Variants in SPATA6L observed in about 807,000 individuals in gnomAD.
SPATA6L encodes the protein spermatogenesis associated 6 like.
SPATA6L carries 68 observed loss-of-function variants against 49.2 expected under a neutral mutation model. The observed-to-expected ratio is 1.38, with a 90% CI of 1.14 to 1.69. The LOEUF is 1.69. SPATA6L is among the 40% of genes most tolerant of loss of function. The pLI is 0.00. For synonymous variants in SPATA6L, 198 were observed against 165.7 expected (o/e 1.19, Z -1.50); for missense variants, 668 against 464.3 (o/e 1.44, Z -4.03).
In SPATA6L at chr9:4,666,291, T is replaced by C. The variant is rs781446853; in HGVS notation, c.-41A>G. The C allele has an allele frequency of 6.2e-7, 1 of 1,612,742 alleles. No homozygotes were observed. ...CGAAAGGACTGGAATGAGAAGATCC[T>C]TTTGTGCCGAGCCTTGGACCAATTT... On this transcript the variant is annotated 5_prime_UTR_variant, in exon 1 of 12. Coordinates refer to ENST00000682582, the MANE Select transcript of SPATA6L (RefSeq NM_001353486.2).
chr9:4,629,137 CT>C lies in SPATA6L; in HGVS notation c.382del (p.Arg128GlyfsTer36). ...AAACACACATTCTCTGATGGCTGTC[CT>C]TGTAGAAAACTCTATTTTGGGAGCA... ...GIAPKIEFST[R>X]TAIRECVFLH... is the part of the protein sequence containing the mutation. On this transcript the variant is annotated frameshift_variant, in exon 5 of 12. Transcript: ENST00000682582. LOFTEE classifies it high-confidence loss of function. The C allele has an allele frequency of 1.2e-6, 2 of 1,611,342 alleles. No homozygotes were observed. Among genetic ancestry groups the C allele is most frequent in the Non-Finnish European group, 1.7e-6 (2 of 1,179,156 alleles).
intron 3 of SPATA6L, 58 bp downstream of exon 3, chr9:4,655,983 T>A: frequency 7.6e-7 from 1 of 1,317,318 alleles, no homozygotes; most frequent in Non-Finnish European, 1.1e-6. Context: ...GAGTTTTGAA[T>A]CTGTGAATTA....
At chr9:4,663,017 T>C (rs759442679) in intron 1 of SPATA6L, 2 of 1,613,652 alleles carry the variant, frequency 1.2e-6, no homozygotes, top group African/African-American at 2.7e-5. Context: ...CCTCGGGCCA[T>C]GCCACAAGGG....
intron 9 of SPATA6L, 48 bp from the exon 10 acceptor site, chr9:4,605,488 G>C (rs746428044): frequency 4.4e-6 from 6 of 1,362,106 alleles, no homozygotes; most frequent in Non-Finnish European, 6.3e-6. Context: ...CTACTAAAAA[G>C]GACACTTAAA....
In SPATA6L at chr9:4,600,000, A is replaced by G. The variant is rs10758635; in HGVS notation, c.*811T>C. 6.6e-6 allele frequency among the ~76,000 whole-genome samples: 1 copy of G among 152,014 alleles called. No individual in the cohort carries two copies. Among genetic ancestry groups the G allele is most frequent in the African/African-American group, 2.4e-5 (1 of 41,382 alleles). On this transcript the variant is annotated 3_prime_UTR_variant, in exon 12 of 12. Coordinates refer to ENST00000682582, the MANE Select transcript of SPATA6L (RefSeq NM_001353486.2). ...CCCCTTCCTATTCCTGCTCCCTCAC[A>G]CTGTGTAAGCATTTCATAGATGCAC...
intron 2 of SPATA6L, among the ~76,000 whole-genome samples, chr9:4,657,831 A>G (rs1281942038): frequency 6.6e-6 from 1 of 152,218 alleles, no homozygotes; most frequent in Admixed American, 6.5e-5. Flanking sequence ...ATCTCTAGTT[A>G]GAGGTTCATT....
chr9:4,604,377 C>T, intron 10 of SPATA6L, 108 bp from the exon 11 acceptor site: 2 of 668,360 alleles, frequency 3.0e-6, no homozygotes, highest in Non-Finnish European at 5.3e-6. Flanking sequence ...CCCATTTATG[C>T]CGTTATATGG....
chr9:4,600,879 G>A (rs1344295137), intron 11 of SPATA6L, 70 bp from the exon 12 acceptor site: 1 of 152,132 alleles, frequency 6.6e-6, no homozygotes, highest in East Asian at 1.9e-4. Flanking sequence ...TACAAGTAAG[G>A]AGAAAAAGAT....
intron 2 of SPATA6L, among the ~76,000 whole-genome samples, chr9:4,656,762 C>T (rs543268480): frequency 2.0e-5 from 3 of 152,320 alleles, no homozygotes; most frequent in South Asian, 4.1e-4. Context: ...CATCTTAAAT[C>T]AACCCCAGAG....
intron 3 of SPATA6L, among the ~76,000 whole-genome samples, chr9:4,648,415 C>T (rs1056250486): frequency 1.3e-5 from 2 of 152,022 alleles, no homozygotes; most frequent in Non-Finnish European, 2.9e-5. Flanking sequence ...ATTATAAGTT[C>T]TTGGCTGGGC....
chr9:4,636,942 C>T (rs1306251609), intron 3 of SPATA6L, among the ~76,000 whole-genome samples: 1 of 152,138 alleles, frequency 6.6e-6, no homozygotes, highest in African/African-American at 2.4e-5. Flanking sequence ...AGTTGATCTC[C>T]CTGCCTCCAT....
intron 2 of SPATA6L, among the ~76,000 whole-genome samples, chr9:4,659,997 A>T (rs1029655711): frequency 6.6e-6 from 1 of 152,240 alleles, no homozygotes; most frequent in Admixed American, 6.5e-5. Context: ...CTGAAACTGG[A>T]TCCTTTCCTT....
In SPATA6L at chr9:4,606,731, G is replaced by C. The variant is rs1034044367; in HGVS notation, c.996-1291C>G. Among the ~76,000 whole-genome samples the C allele has an allele frequency of 4.2e-3, 618 of 145,526 alleles. 10 individuals are homozygous for C. The highest frequency in any genetic ancestry group is 0.015 in the African/African-American group (582 of 38,242). ...GAAAAACTGGAAACTCTAAAAAGCA[G>C]AGCGCCTCTCCTCCTCCAAAGGAAT... is the stretch of plus-strand genomic sequence containing the variant. On this transcript the variant is annotated intron_variant, in intron 9 of 11. Transcript: ENST00000682582.
intron 4 of SPATA6L, among the ~76,000 whole-genome samples, chr9:4,635,023 G>A (rs2080101608): frequency 6.6e-6 from 1 of 152,152 alleles, no homozygotes; most frequent in Non-Finnish European, 1.5e-5. Flanking sequence ...GCAACAAAAG[G>A]AGGCTTTTAT....
intron 3 of SPATA6L, among the ~76,000 whole-genome samples, chr9:4,638,444 C>T (rs73393852): frequency 0.014 from 2,149 of 152,274 alleles, 53 homozygotes; most frequent in African/African-American, 0.05. Flanking sequence ...AACTCCTGAC[C>T]TCAGGTGGTC....
Position 4,600,126 on chromosome 9 carries a change from T to C in SPATA6L, c.*685A>G, listed in dbSNP as rs973580235. The stretch of plus-strand genomic sequence containing the variant: ...GGAGAAATATTTGAGGAAGGTTTTG[T>C]TCCTCATCTAAATTTACAAAGAATT... On this transcript the variant is annotated 3_prime_UTR_variant, in exon 12 of 12. Coordinates refer to ENST00000682582, the MANE Select transcript of SPATA6L (RefSeq NM_001353486.2). Among the ~76,000 whole-genome samples, 5 of 152,208 alleles carry C rather than the reference T, an allele frequency of 3.3e-5. No individual in the cohort carries two copies. Among genetic ancestry groups the C allele is most frequent in the Admixed American group, 1.3e-4 (2 of 15,284 alleles).
intron 9 of SPATA6L, among the ~76,000 whole-genome samples, chr9:4,611,438 C>T (rs986994439): frequency 4.0e-5 from 6 of 149,314 alleles, no homozygotes; most frequent in African/African-American, 1.5e-4. Context: ...GAAAATGTGG[C>T]ACATATATAC....
At chr9:4,656,812 G>C (rs1033696064) in intron 2 of SPATA6L, among the ~76,000 whole-genome samples, 3 of 152,154 alleles carry the variant, frequency 2.0e-5, no homozygotes, top group African/African-American at 4.8e-5. Context: ...GTATACAACA[G>C]ATACTCATTA....
chr9:4,617,126 G>A (rs1295946154), intron 9 of SPATA6L, among the ~76,000 whole-genome samples: 1 of 152,110 alleles, frequency 6.6e-6, no homozygotes, highest in Non-Finnish European at 1.5e-5. Flanking sequence ...GGCCACTGTG[G>A]TTCTGGGATA....
Sources: gnomAD v4.1 joint callset for allele counts (sites outside exome capture counted in the v4.1 genomes callset) on GRCh38, gnomAD v4.1.1 for gene constraint, MANE v1.5 for transcripts, NCBI Gene and HGNC (gene_info 2026-07-23, HGNC 2026-07-21) for gene names.